Variants in PRKN observed in about 807,000 individuals in gnomAD.
PRKN encodes parkin RBR E3 ubiquitin protein ligase, also known as E3 ubiquitin-protein ligase parkin.
In PRKN, 56 loss-of-function variants were observed where a neutral mutation model predicts 59.5. The ratio of observed to expected loss-of-function variants is 0.94; its 90% confidence interval spans 0.76 to 1.18. PRKN has a LOEUF of 1.18. Ranked by LOEUF, PRKN falls within the 50% of genes most tolerant of loss-of-function variation. PRKN has a pLI of 0.00. For missense variants in PRKN, 657 were observed against 596.4 expected (o/e 1.10, Z -1.06); for synonymous variants, 250 against 222.1 (o/e 1.13, Z -1.12).
intron 2 of PRKN, among the ~76,000 whole-genome samples, chr6:162,325,133 T>C (rs1223225382): frequency 2.6e-5 from 4 of 152,188 alleles, no homozygotes; most frequent in Non-Finnish European, 5.9e-5. Context: ...TCAACAACTT[T>C]ATTAGTGCTA....
chr6:162,110,019 C>T lies in PRKN; in HGVS notation c.535-55845G>A, dbSNP rs187084511. Among the ~76,000 whole-genome samples the T allele has an allele frequency of 4.0e-3, 604 of 152,280 alleles. 1 individual carries two copies. The highest frequency in any genetic ancestry group is 7.0e-3 in the Non-Finnish European group (475 of 68,020). On this transcript the variant is annotated intron_variant, in intron 4 of 11. Coordinates refer to ENST00000366898, the MANE Select transcript of PRKN (RefSeq NM_004562.3). Reference sequence around the variant, plus strand: ...CATAAATCCTGTGTTTTACTTAACACTATGTTGAATTCTGTTCATAAGTTT... The same window carrying T: ...CATAAATCCTGTGTTTTACTTAACATTATGTTGAATTCTGTTCATAAGTTT...
rs539981218 is a variant in PRKN at position 161,473,183 on chromosome 6, C to T, written c.1083+75671G>A. Among the ~76,000 whole-genome samples, 1 of 152,216 alleles carries T rather than the reference C, an allele frequency of 6.6e-6. No individual in the cohort carries two copies. Among genetic ancestry groups the T allele is most frequent in the Non-Finnish European group, 1.5e-5 (1 of 68,008 alleles). On this transcript the variant is annotated intron_variant, in intron 9 of 11. Coordinates refer to ENST00000366898, the MANE Select transcript of PRKN (RefSeq NM_004562.3). The surrounding 1 kb of genome is among the most constrained non-coding windows in gnomAD (Gnocchi z 4.1). ...CAAAAGAAGTAAAATTAGCACCTCACAGAGCTGCCTTCTTATGTTCACTGT... is the reference window on the plus strand; with the variant it reads ...CAAAAGAAGTAAAATTAGCACCTCATAGAGCTGCCTTCTTATGTTCACTGT...
rs115595718 is a variant in PRKN, at chr6:161,599,110, C to T, written c.872-29694G>A. ...GACAAGGGGTGGGAGCAGATCCTTC[C>T]CAGAGCCTTCAGAGGGAGCTCAGTC... is the stretch of plus-strand genomic sequence containing the variant. On this transcript the variant is annotated intron_variant, in intron 7 of 11. Coordinates refer to ENST00000366898, the MANE Select transcript of PRKN (RefSeq NM_004562.3). 2.7e-3 allele frequency among the ~76,000 whole-genome samples: 404 copies of T among 152,268 alleles called. 1 individual carries two copies. Among genetic ancestry groups the T allele is most frequent in the African/African-American group, 9.3e-3 (385 of 41,558 alleles).
chr6:162,495,403 G>C (rs1268339593), intron 1 of PRKN, among the ~76,000 whole-genome samples: 1 of 152,106 alleles, frequency 6.6e-6, no homozygotes, highest in Non-Finnish European at 1.5e-5. Context: ...TTTTGAAATG[G>C]TATTAAGTTG....
intron 7 of PRKN, among the ~76,000 whole-genome samples, chr6:161,782,342 GA>G (rs1790241257): frequency 6.6e-6 from 1 of 152,070 alleles, no homozygotes; most frequent in Admixed American, 6.6e-5. Flanking sequence ...TTCTACTTAA[GA>G]AGGTGACACA....
chr6:161,359,588 G>A lies in PRKN; in HGVS notation c.1285+500C>T, dbSNP rs889921540. Among the ~76,000 whole-genome samples the A allele has an allele frequency of 5.3e-5, 8 of 152,240 alleles. No individual in the cohort carries two copies. The highest frequency in any genetic ancestry group is 1.9e-4 in the African/African-American group (8 of 41,464). ...GTGGCATGTCCAGGATAGACAGCAG[G>A]AAGTCCCCCACTGGTACTGTGAGTC... On this transcript the variant is annotated intron_variant, in intron 11 of 11. Coordinates refer to ENST00000366898, the MANE Select transcript of PRKN (RefSeq NM_004562.3). The surrounding 1 kb of genome is among the most constrained non-coding windows in gnomAD (Gnocchi z 5.4).
At chr6:162,014,574 G>T (rs900817972) in intron 5 of PRKN, among the ~76,000 whole-genome samples, 1 of 152,184 alleles carries the variant, frequency 6.6e-6, no homozygotes, top group Non-Finnish European at 1.5e-5. Flanking sequence ...CCCTTGACCA[G>T]TGCACCATTC....
chr6:161,940,836 T>C (rs563291172), intron 6 of PRKN, among the ~76,000 whole-genome samples: 51 of 152,342 alleles, frequency 3.3e-4, no homozygotes, highest in African/African-American at 1.2e-3. Flanking sequence ...CCAGTCTCTG[T>C]GATGCTGACC....
intron 2 of PRKN, among the ~76,000 whole-genome samples, chr6:162,338,901 G>A (rs1293661081): frequency 6.0e-5 from 9 of 149,252 alleles, no homozygotes; most frequent in South Asian, 4.3e-4. Context: ...CCTCTGCCCC[G>A]CCGCCCCATC....
In PRKN at chr6:161,484,593, C is replaced by T. The variant is rs752754410; in HGVS notation, c.1083+64261G>A. Reference sequence around the variant, plus strand: ...GGTTTCCCAAAGCAAGCTGTGGGTACGGACGGCATCAGAACTAAACGCAGG... The same window carrying T: ...GGTTTCCCAAAGCAAGCTGTGGGTATGGACGGCATCAGAACTAAACGCAGG... On this transcript the variant is annotated intron_variant, in intron 9 of 11. Transcript: ENST00000366898. The surrounding 1 kb of genome is among the most constrained non-coding windows in gnomAD (Gnocchi z 4.9). Among the ~76,000 whole-genome samples the T allele has an allele frequency of 2.2e-4, 33 of 152,090 alleles. No individual in the cohort carries two copies. The highest frequency in any genetic ancestry group is 1.2e-4 in the Non-Finnish European group (8 of 68,034).
intron 6 of PRKN, among the ~76,000 whole-genome samples, chr6:161,787,414 C>T: frequency 6.6e-6 from 1 of 152,276 alleles, no homozygotes; most frequent in South Asian, 2.1e-4. Context: ...CTATTTCTAA[C>T]CAAACAGTCA....
intron 2 of PRKN, among the ~76,000 whole-genome samples, chr6:162,352,061 AAGAC>A (rs771643168): frequency 1.3e-5 from 2 of 152,258 alleles, no homozygotes. Context: ...ATACAAATGA[AAGAC>A]AGACTGAGCA....
intron 7 of PRKN, among the ~76,000 whole-genome samples, chr6:161,591,070 A>T (rs1278333009): frequency 6.6e-6 from 1 of 152,218 alleles, no homozygotes; most frequent in East Asian, 1.9e-4. Flanking sequence ...CGGTATTGAG[A>T]AAACATATTC....
At chr6:162,503,775 A>G in intron 1 of PRKN, among the ~76,000 whole-genome samples, 1 of 152,196 alleles carries the variant, frequency 6.6e-6, no homozygotes, top group East Asian at 1.9e-4. Flanking sequence ...AACAGCTTTC[A>G]GATATTGAAA....
intron 3 of PRKN, among the ~76,000 whole-genome samples, chr6:162,261,869 T>C (rs1201123700): frequency 6.6e-6 from 1 of 152,208 alleles, no homozygotes; most frequent in Non-Finnish European, 1.5e-5. Flanking sequence ...TCTTATTATG[T>C]TAGGCTTCCA....
chr6:161,622,618 T>G (rs1782948385), intron 7 of PRKN, among the ~76,000 whole-genome samples: 1 of 152,146 alleles, frequency 6.6e-6, no homozygotes. Context: ...GAAAGAGAGG[T>G]TCTGTTCCTC....
At chr6:161,759,285 G>T (rs1789089307) in intron 7 of PRKN, among the ~76,000 whole-genome samples, 1 of 152,158 alleles carries the variant, frequency 6.6e-6, no homozygotes, top group Admixed American at 6.5e-5. Context: ...TGAGTTCATG[G>T]CACGCCTGCA....
rs891713259 is a variant in PRKN at position 161,372,755 on chromosome 6, C to T, written c.1168-12550G>A. On this transcript the variant is annotated intron_variant, in intron 10 of 11. Coordinates refer to ENST00000366898, the MANE Select transcript of PRKN (RefSeq NM_004562.3). This position sits in a 1 kb window ranked among gnomAD's most constrained non-coding sequence, Gnocchi z 4.2. ...AGGTGATGCCGATGTCGCTAGCCTG[C>T]AGAGCTTCGGAGAACTACTGCTCGC... 6.6e-6 allele frequency among the ~76,000 whole-genome samples: 1 copy of T among 151,902 alleles called. No individual in the cohort carries two copies. The highest frequency in any genetic ancestry group is 1.5e-5 in the Non-Finnish European group (1 of 68,004).
chr6:161,691,019 ATCCATCCGTCCTCCTTTCCTT>A (rs1785768401), intron 7 of PRKN, among the ~76,000 whole-genome samples: 1 of 144,350 alleles, frequency 6.9e-6, no homozygotes, highest in Admixed American at 7.1e-5. Flanking sequence ...CCATCCGTCC[ATCCATCCGTCCTCCTTTCCTT>A]TCCATCCATC....
Sources: allele counts gnomAD v4.1 joint callset (sites outside exome capture counted in the v4.1 genomes callset), GRCh38; gene constraint gnomAD v4.1.1; non-coding constraint Gnocchi (gnomAD v3.1); transcripts MANE v1.5; gene names NCBI Gene and HGNC (gene_info 2026-07-23, HGNC 2026-07-21).